The following SLC6A2 variants were observed in gnomAD, a reference collection of about 807,000 sequenced individuals.
SLC6A2 encodes the protein sodium-dependent noradrenaline transporter.
In SLC6A2, 26 loss-of-function variants were observed where a neutral mutation model predicts 71.7. The observed-to-expected ratio is 0.36, with a 90% CI of 0.27 to 0.50. SLC6A2 has a LOEUF of 0.50. Among genes scored for constraint, SLC6A2 ranks in the 20% least tolerant of loss-of-function variants. The probability of loss-of-function intolerance (pLI) is 0.96; values close to 1 mark genes in which losing one functional copy is unlikely to be tolerated. For synonymous variants in SLC6A2, 363 were observed against 337.9 expected (o/e 1.07, Z -0.82); for missense variants, 581 against 803.9 (o/e 0.72, Z 3.35).
Position 55,700,300 on chromosome 16 carries a change from T to C in SLC6A2, c.1752T>C (p.Leu584=), listed in dbSNP as rs757326967. ...IYKFLSTQGS[L]WERLAYGITP... is the part of the protein sequence containing the mutation. ...AGTTCCTCAGCACGCAGGGCTCTCT[T>C]TGGGAGGTGAGCTCTGGTCCTCCCC... Residue 584 remains leucine (L), a synonymous_variant, in exon 13 of 15, where the codon CTT becomes CTC. Transcript: ENST00000568943. The C allele has an allele frequency of 6.2e-7, 1 of 1,613,042 alleles. No individual in the cohort carries two copies. The highest frequency in any genetic ancestry group is 1.1e-5 in the South Asian group (1 of 91,032).
intron 13 of SLC6A2, among the ~76,000 whole-genome samples, chr16:55,700,970 C>G (rs1361833577): frequency 6.6e-6 from 1 of 152,096 alleles, no homozygotes; most frequent in Non-Finnish European, 1.5e-5. Flanking sequence ...CTTTCATAAA[C>G]TAATAGTGAT....
In SLC6A2 at chr16:55,689,500, T is replaced by A. The variant is rs565813370; in HGVS notation, c.784-2418T>A. 3.3e-4 allele frequency among the ~76,000 whole-genome samples: 50 copies of A among 152,250 alleles called. 1 individual carries two copies. In the South Asian group the frequency reaches 9.8e-3, roughly 30 times the overall value. On this transcript the variant is annotated intron_variant, in intron 5 of 14. Coordinates refer to ENST00000568943, the MANE Select transcript of SLC6A2 (RefSeq NM_001172501.3). Reference sequence around the variant, plus strand: ...ATGGGAGATTCCCTGAAGTCAGAGGTCAAGATACGGTTTTCTGATGGGAGG... The same window carrying A: ...ATGGGAGATTCCCTGAAGTCAGAGGACAAGATACGGTTTTCTGATGGGAGG...
At chr16:55,692,493 C>T (rs1319207684) in intron 6 of SLC6A2, among the ~76,000 whole-genome samples, 1 of 152,128 alleles carries the variant, frequency 6.6e-6, no homozygotes, top group Non-Finnish European at 1.5e-5. Context: ...CCAGGGAGGC[C>T]CTGCCAACTC....
chr16:55,675,056 G>A (rs1403375413), intron 4 of SLC6A2, among the ~76,000 whole-genome samples: 1 of 152,160 alleles, frequency 6.6e-6, no homozygotes, highest in Non-Finnish European at 1.5e-5. Context: ...TCTGTTGGGT[G>A]TGAGCTTATA....
intron 2 of SLC6A2, among the ~76,000 whole-genome samples, chr16:55,658,226 G>A (rs1292804324): frequency 6.6e-6 from 1 of 152,114 alleles, no homozygotes. Context: ...CAAAAAAGGA[G>A]TGGGGCCGGG....
intron 8 of SLC6A2, 21 bp downstream of exon 8, chr16:55,695,423 G>A (rs758221927): frequency 3.4e-5 from 55 of 1,613,620 alleles, no homozygotes; most frequent in Admixed American, 1.2e-4. Context: ...AGCCCACCTG[G>A]GCCCCAGCCC....
At position 55,702,537 on chromosome 16, in the gene SLC6A2, G is replaced by GGGCT. The variant is rs1966004672; in HGVS notation, c.*193_*196dup. ...TTCACCTTCTGTGCATCTGGCCTGGGGGCTGTTAGCTCAGAGGAGAGGAGC... is the reference window on the plus strand; with the variant it reads ...TTCACCTTCTGTGCATCTGGCCTGGGGGCTGGCTGTTAGCTCAGAGGAGAGGAGC... On this transcript the variant is annotated 3_prime_UTR_variant, in exon 15 of 15. Coordinates refer to ENST00000568943, the MANE Select transcript of SLC6A2 (RefSeq NM_001172501.3). 1 of 1,496,890 alleles carries GGGCT rather than the reference G, an allele frequency of 6.7e-7. No homozygotes were observed. The highest frequency in any genetic ancestry group is 8.9e-7 in the Non-Finnish European group (1 of 1,120,806). The allele number at this position is 1,496,890 out of a possible 1,614,324, so 92.7% of individuals were successfully genotyped here.
chr16:55,674,144 A>C (rs1965008984), intron 4 of SLC6A2, among the ~76,000 whole-genome samples: 1 of 152,134 alleles, frequency 6.6e-6, no homozygotes, highest in African/African-American at 2.4e-5. Flanking sequence ...TAATGAGCAT[A>C]GTACCCAATA....
intron 12 of SLC6A2, among the ~76,000 whole-genome samples, 173 bp downstream of exon 12, chr16:55,699,827 C>T (rs1374132400): frequency 6.6e-6 from 1 of 152,026 alleles, no homozygotes; most frequent in South Asian, 2.1e-4. Flanking sequence ...TAGACATCCA[C>T]CTTACTAGGG....
chr16:55,682,967 G>A (rs1315312111), intron 4 of SLC6A2, among the ~76,000 whole-genome samples: 1 of 152,214 alleles, frequency 6.6e-6, no homozygotes, highest in Non-Finnish European at 1.5e-5. Context: ...CGGTGCACGA[G>A]CAGTTCCTGT....
chr16:55,657,077 C>A, intron 2 of SLC6A2, 109 bp downstream of exon 2: 1 of 1,239,748 alleles, frequency 8.1e-7, no homozygotes, highest in Non-Finnish European at 1.1e-6. Flanking sequence ...GAGACAGGGG[C>A]AAATCTGGGG....
At chr16:55,691,788 C>G in intron 5 of SLC6A2, 130 bp from the exon 6 acceptor site, 1 of 1,048,588 alleles carries the variant, frequency 9.5e-7, no homozygotes, top group Non-Finnish European at 1.4e-6. Flanking sequence ...GAACTTGTAG[C>G]ATGTGCTTTG....
chr16:55,685,315 G>C (rs772774952), intron 5 of SLC6A2, 34 bp downstream of exon 5: 1 of 1,606,356 alleles, frequency 6.2e-7, no homozygotes, highest in African/African-American at 1.3e-5. Flanking sequence ...CACTTACTTG[G>C]GTGATCAACC....
At position 55,681,123 on chromosome 16, in the gene SLC6A2, C is replaced by A. The variant is rs529845196; in HGVS notation, c.645-4020C>A. ...GAGTTTTCTGGGTACCCTTGACTCT[C>A]TTGCTGACACCTGCTGCTCCTTGAA... On this transcript the variant is annotated intron_variant, in intron 4 of 14. Coordinates refer to ENST00000568943, the MANE Select transcript of SLC6A2 (RefSeq NM_001172501.3). 5.9e-4 allele frequency among the ~76,000 whole-genome samples: 90 copies of A among 152,332 alleles called. 2 individuals carry two copies. In the South Asian group the frequency reaches 0.018, roughly 30 times the overall value.
intron 4 of SLC6A2, among the ~76,000 whole-genome samples, chr16:55,676,297 C>T (rs1409794198): frequency 6.6e-6 from 1 of 152,314 alleles, no homozygotes; most frequent in East Asian, 1.9e-4. Context: ...TAACCTCTTA[C>T]CATGTGTATG....
intron 4 of SLC6A2, among the ~76,000 whole-genome samples, chr16:55,672,475 G>A: frequency 6.6e-6 from 1 of 152,186 alleles, no homozygotes; most frequent in East Asian, 1.9e-4. Context: ...ACACTTTCTG[G>A]GGTATGTAAC....
At chr16:55,684,707 T>A (rs28668305) in intron 4 of SLC6A2, among the ~76,000 whole-genome samples, 3,015 of 152,270 alleles carry the variant, frequency 0.02, 132 homozygotes, top group African/African-American at 0.068. Context: ...CCTCAAGTCA[T>A]GACAATCAAA....
rs57556520 is a variant in SLC6A2, at chr16:55,656,142, C to T, written c.-79C>T. The T allele has an allele frequency of 5.4e-3, 857 of 157,394 alleles. 7 individuals are homozygous for T. Among genetic ancestry groups the T allele is most frequent in the African/African-American group, 0.019 (792 of 41,598 alleles). 9.7% of individuals were successfully genotyped at this position (157,394 alleles called of 1,614,324 possible). On this transcript the variant is annotated 5_prime_UTR_variant, in exon 1 of 15. Coordinates refer to ENST00000568943, the MANE Select transcript of SLC6A2 (RefSeq NM_001172501.3). The surrounding 1 kb of genome is among the most constrained non-coding windows in gnomAD (Gnocchi z 4.5). ...GGTCGGGGGCCGGCAGGGCGCAAGG[C>T]ACCAGGGATCCCCTCGCCGCCGGAC...
At chr16:55,662,003 C>A (rs1403205462) in intron 2 of SLC6A2, among the ~76,000 whole-genome samples, 1 of 152,166 alleles carries the variant, frequency 6.6e-6, no homozygotes, top group Non-Finnish European at 1.5e-5. Context: ...CTGGGCTTGC[C>A]AAGCCAGACA....
Sources: allele counts gnomAD v4.1 joint callset (sites outside exome capture counted in the v4.1 genomes callset), GRCh38; gene constraint gnomAD v4.1.1; non-coding constraint Gnocchi (gnomAD v3.1); transcripts MANE v1.5; gene names NCBI Gene and HGNC (gene_info 2026-07-23, HGNC 2026-07-21).